The following TBL1XR1 variants were observed in gnomAD, a reference collection of about 807,000 sequenced individuals.
TBL1XR1 encodes TBL1X/Y related 1, also known as F-box-like/WD repeat-containing protein TBL1XR1.
A neutral mutation model predicts 66.9 loss-of-function variants in TBL1XR1; 5 were observed. The observed-to-expected ratio is 0.07, with a 90% CI of 0.04 to 0.16. TBL1XR1 has a LOEUF of 0.16. Among genes scored for constraint, TBL1XR1 ranks in the 10% least tolerant of loss-of-function variants. The probability of loss-of-function intolerance (pLI) is 1.00; values close to 1 mark genes in which losing one functional copy is unlikely to be tolerated. For synonymous variants in TBL1XR1, 210 were observed against 206.0 expected (o/e 1.02, Z -0.17); for missense variants, 238 against 623.2 (o/e 0.38, Z 6.58).
At chr3:177,191,997 G>C (rs1736200116) in intron 1 of TBL1XR1, among the ~76,000 whole-genome samples, 1 of 151,804 alleles carries the variant, frequency 6.6e-6, no homozygotes, top group South Asian at 2.1e-4. Flanking sequence ...GGAGGCTGAG[G>C]TAGGGGAATC....
At position 177,051,527 on chromosome 3, in the gene TBL1XR1, T is replaced by C. The variant is rs1717083792; in HGVS notation, c.404A>G (p.Glu135Gly). 6.2e-7 allele frequency: 1 copy of C among 1,613,254 alleles called. No homozygotes were observed. Among genetic ancestry groups the C allele is most frequent in the African/African-American group, 1.3e-5 (1 of 74,890 alleles). Residue 135 changes from glutamate to glycine, a missense_variant, in exon 5 of 16, where the codon GAG (glutamate) becomes GGG (glycine). By Grantham distance (98) the Glu-to-Gly change is moderately conservative. This residue lies in a region of TBL1XR1 where 80 missense variants were observed against 100.5 expected (regional missense o/e 0.80). Coordinates refer to ENST00000457928, the MANE Select transcript of TBL1XR1 (RefSeq NM_024665.7). The part of the protein sequence containing the change: ...KNGENTANGE[E>G]NGAHTIANNH... ...ACTTGCTATAGTATGTGCTCCATTC[T>C]CCTCCCCATTTGCTGTGTTTTCTCC... is the stretch of plus-strand genomic sequence containing the variant.
intron 1 of TBL1XR1, among the ~76,000 whole-genome samples, chr3:177,179,178 A>AC (rs2108960477): frequency 1.3e-5 from 2 of 151,206 alleles, no homozygotes; most frequent in East Asian, 3.9e-4. Flanking sequence ...GGAGAATCGC[A>AC]CAACAACCCC....
At chr3:177,098,682 T>C (rs1723809693) in intron 1 of TBL1XR1, 141 bp from the exon 2 acceptor site, 2 of 296,798 alleles carry the variant, frequency 6.7e-6, no homozygotes, top group African/African-American at 2.3e-5. Flanking sequence ...GTAATTGTTA[T>C]CATAAACAAC....
In TBL1XR1 at chr3:177,091,690, C is replaced by T. The variant is rs1016580294; in HGVS notation, c.-46+6776G>A. On this transcript the variant is annotated intron_variant, in intron 2 of 15. Coordinates refer to ENST00000457928, the MANE Select transcript of TBL1XR1 (RefSeq NM_024665.7). ...TCAAATGCCTAAATCCACACGCTCA[C>T]AATAACTCAAAAAAATCCTCACTTG... Among the ~76,000 whole-genome samples, 7 of 152,136 alleles carry T rather than the reference C, an allele frequency of 4.6e-5. 1 individual carries two copies. Among genetic ancestry groups the T allele is most frequent in the Non-Finnish European group, 1.0e-4 (7 of 68,008 alleles).
At chr3:177,184,198 C>A (rs1735146603) in intron 1 of TBL1XR1, among the ~76,000 whole-genome samples, 2 of 152,214 alleles carry the variant, frequency 1.3e-5, no homozygotes, top group African/African-American at 4.8e-5. Context: ...ATGACACCAA[C>A]TGCAACCAAA....
At chr3:177,147,047 C>CTTTT (rs559312015) in intron 1 of TBL1XR1, among the ~76,000 whole-genome samples, 2 of 140,944 alleles carry the variant, frequency 1.4e-5, no homozygotes, top group Non-Finnish European at 3.1e-5. Flanking sequence ...ATTCCTAAGA[C>CTTTT]TTTTTTTTTT....
In TBL1XR1 at chr3:177,099,366, TCAA is replaced by T. The variant is rs764242650; in HGVS notation, c.-121-828_-121-826del. ...TGGGGTACAACAGCGAGACTTTGTC[TCAA>T]CAACAACAACAACAAAAAAGTTATA... is the stretch of plus-strand genomic sequence containing the variant. On this transcript the variant is annotated intron_variant, in intron 1 of 15. Coordinates refer to ENST00000457928, the MANE Select transcript of TBL1XR1 (RefSeq NM_024665.7). 2.0e-4 allele frequency: 31 copies of T among 152,474 alleles called. 1 individual carries two copies. The highest frequency in any genetic ancestry group is 1.2e-3 in the East Asian group (6 of 5,176). The allele number at this position is 152,474 out of a possible 1,614,324, so 9.4% of individuals were successfully genotyped here.
chr3:177,071,029 C>CTCTTTTTTTTTT (rs1553825595), intron 2 of TBL1XR1, among the ~76,000 whole-genome samples: 1 of 82,956 alleles, frequency 1.2e-5, no homozygotes, highest in African/African-American at 4.9e-5. Flanking sequence ...TTCTGAGAAT[C>CTCTTTTTTTTTT]TGTTTTTTTT....
chr3:177,038,081 CCTA>C lies in TBL1XR1; in HGVS notation c.1122+14_1122+16del. 6.2e-7 allele frequency: 1 copy of C among 1,610,902 alleles called. No homozygotes were observed. The highest frequency in any genetic ancestry group is 1.1e-5 in the South Asian group (1 of 90,866). Reference sequence around the variant, plus strand: ...GTGTGACACCGCCAACCCATTTCTCCCTACTAAGCAAATTACCTTTAAAGTCAT... The same window carrying C: ...GTGTGACACCGCCAACCCATTTCTCCCTAAGCAAATTACCTTTAAAGTCAT... On this transcript the variant is annotated intron_variant, in intron 12 of 15. Transcript: ENST00000457928.
chr3:177,183,031 CT>C (rs1465700747), intron 1 of TBL1XR1, among the ~76,000 whole-genome samples: 1 of 151,060 alleles, frequency 6.6e-6, no homozygotes, highest in Non-Finnish European at 1.5e-5. Flanking sequence ...TATCTTACTT[CT>C]TATGTATGCC....
Position 177,098,484 on chromosome 3 carries a change from G to A in TBL1XR1, c.-64C>T. On this transcript the variant is annotated 5_prime_UTR_variant, in exon 2 of 16. Coordinates refer to ENST00000457928, the MANE Select transcript of TBL1XR1 (RefSeq NM_024665.7). Reference sequence around the variant, plus strand: ...GTCTTACCATTGGCAGTGCATTGATGTGGGGATGTGCAACTGAATATCCGG... The same window carrying A: ...GTCTTACCATTGGCAGTGCATTGATATGGGGATGTGCAACTGAATATCCGG... 2.0e-6 allele frequency: 2 copies of A among 985,844 alleles called. No homozygotes were observed. The highest frequency in any genetic ancestry group is 1.7e-5 in the African/African-American group (1 of 57,354). The allele number at this position is 985,844 out of a possible 1,614,324, so 61.1% of individuals were successfully genotyped here.
chr3:177,065,039 GTTAA>G lies in TBL1XR1; in HGVS notation c.-45-21_-45-18del. The G allele has an allele frequency of 7.5e-7, 1 of 1,334,106 alleles. No homozygotes were observed. The highest frequency in any genetic ancestry group is 9.9e-7 in the Non-Finnish European group (1 of 1,014,288). 82.6% of individuals were successfully genotyped at this position (1,334,106 alleles called of 1,614,324 possible). On this transcript the variant is annotated intron_variant, in intron 2 of 15. Coordinates refer to ENST00000457928, the MANE Select transcript of TBL1XR1 (RefSeq NM_024665.7). ...GATATAACCCTAAAAATAAAACAAAGTTAATTATTTTCTCAGTAAAATATTTTTA... is the reference window on the plus strand; with the variant it reads ...GATATAACCCTAAAAATAAAACAAAGTTATTTTCTCAGTAAAATATTTTTA...
At chr3:177,059,857 A>G (rs1718285852) in intron 3 of TBL1XR1, among the ~76,000 whole-genome samples, 1 of 152,232 alleles carries the variant, frequency 6.6e-6, no homozygotes, top group Non-Finnish European at 1.5e-5. Flanking sequence ...ATCAGCTGCC[A>G]GCACAGCTAG....
In TBL1XR1 at chr3:177,069,802, AAGGAAGGAAGG is replaced by A. The variant is rs1560138997; in HGVS notation, c.-45-4791_-45-4781del. Among the ~76,000 whole-genome samples the A allele has an allele frequency of 1.3e-3, 84 of 64,880 alleles. 1 individual carries two copies. Among genetic ancestry groups the A allele is most frequent in the East Asian group, 5.4e-3 (6 of 1,120 alleles). 42.6% of individuals were successfully genotyped at this position (64,880 alleles called of 152,430 possible). A position where few individuals can be genotyped will look rare whatever the true frequency, so the allele number is the denominator to read the frequency against. ...GGAAGGAAAAGGAAGGAAAGGAAGG[AAGGAAGGAAGG>A]AAGGAAGGAAGGAAGGAAGGAAGGA... On this transcript the variant is annotated intron_variant, in intron 2 of 15. Transcript: ENST00000457928.
At chr3:177,037,901 A>G (rs1715041941) in intron 12 of TBL1XR1, 197 bp downstream of exon 12, 1 of 528,272 alleles carries the variant, frequency 1.9e-6, no homozygotes, top group South Asian at 3.1e-5. Flanking sequence ...ATAATTTGCT[A>G]CATTCAAATA....
intron 1 of TBL1XR1, among the ~76,000 whole-genome samples, chr3:177,158,839 C>T (rs1396776922): frequency 6.6e-6 from 1 of 152,098 alleles, no homozygotes; most frequent in Non-Finnish European, 1.5e-5. Context: ...CCCAGCCCCT[C>T]AAGTAATATT....
chr3:177,045,661 C>A (rs1277449975), intron 10 of TBL1XR1, among the ~76,000 whole-genome samples: 1 of 152,094 alleles, frequency 6.6e-6, no homozygotes, highest in Non-Finnish European at 1.5e-5. Flanking sequence ...AAAATGACAA[C>A]AATACCTAAA....
chr3:177,165,487 T>C (rs1004065765), intron 1 of TBL1XR1, among the ~76,000 whole-genome samples: 1 of 152,156 alleles, frequency 6.6e-6, no homozygotes, highest in Non-Finnish European at 1.5e-5. Flanking sequence ...ATCAACAAAC[T>C]TAAGTCTTAA....
intron 1 of TBL1XR1, among the ~76,000 whole-genome samples, chr3:177,116,665 A>G (rs1005156074): frequency 1.3e-5 from 2 of 152,210 alleles, no homozygotes; most frequent in African/African-American, 4.8e-5. Context: ...TCTACCTTCC[A>G]CTGAGAATCA....
Sources: gnomAD v4.1 joint callset for allele counts (sites outside exome capture counted in the v4.1 genomes callset) on GRCh38, gnomAD v4.1.1 for gene constraint, gnomAD v4.1.1 regional missense constraint, MANE v1.5 for transcripts, NCBI Gene and HGNC (gene_info 2026-07-23, HGNC 2026-07-21) for gene names.